PRTG: variants seen among roughly 807,000 people sequenced by gnomAD.
PRTG encodes the protein immunoglobulin superfamily, DCC subclass, member 5.
PRTG carries 67 observed loss-of-function variants against 122.5 expected under a neutral mutation model. The observed-to-expected ratio is 0.55, with a 90% CI of 0.45 to 0.67. The LOEUF is 0.67. Among genes scored for constraint, PRTG ranks in the 30% least tolerant of loss-of-function variants. The pLI is 0.00. For missense variants in PRTG, 1,435 were observed against 1,415.4 expected, an observed-to-expected ratio of 1.01 and a Z score of -0.22; for synonymous variants, 554 against 501.1, an observed-to-expected ratio of 1.11 and a Z score of -1.41.
At chr15:55,721,633 G>A (rs181930058) in intron 2 of PRTG, among the ~76,000 whole-genome samples, 1 of 152,104 alleles carries the variant, frequency 6.6e-6, no homozygotes, top group Non-Finnish European at 1.5e-5. Flanking sequence ...ATCTCTCCCT[G>A]TATTACTCCT....
chr15:55,637,237 G>A lies in PRTG; in HGVS notation c.2556C>T (p.Arg852=), dbSNP rs1441105944. The stretch of plus-strand genomic sequence containing the variant: ...TCCTAGATGCATATAAGATAGTATA[G>A]CGGGTCACAACTGTTTCTGGGCCAT... ...PPDGPETVVT[R]YTILYASRKA... is the part of the protein sequence containing the mutation. The change falls in exon 15 of 20, where the codon CGC becomes CGT. Residue 852 remains arginine, a synonymous_variant. Coordinates refer to ENST00000389286, the MANE Select transcript of PRTG (RefSeq NM_173814.6). The A allele has an allele frequency of 1.2e-6, 2 of 1,613,900 alleles. No homozygotes were observed. Among genetic ancestry groups the A allele is most frequent in the African/African-American group, 2.7e-5 (2 of 75,002 alleles).
Position 55,740,425 on chromosome 15 carries a change from T to C in PRTG, c.354A>G (p.Lys118=). ...EGFYQCLAMN[K]YGAILSQKAH... ...CTTTTTGACTAAGAATGGCTCCATA[T>C]TTGTTCATTGCCAAGCACTGATAAA... The change falls in exon 2 of 20, where the codon AAA becomes AAG. Residue 118 remains lysine, a synonymous_variant. Coordinates refer to ENST00000389286, the MANE Select transcript of PRTG (RefSeq NM_173814.6). 1 of 1,613,644 alleles carries C rather than the reference T, an allele frequency of 6.2e-7. No individual in the cohort carries two copies. The highest frequency in any genetic ancestry group is 8.5e-7 in the Non-Finnish European group (1 of 1,179,796).
intron 15 of PRTG, among the ~76,000 whole-genome samples, chr15:55,636,065 G>A (rs2059256169): frequency 6.6e-6 from 1 of 151,600 alleles, no homozygotes; most frequent in African/African-American, 2.4e-5. Flanking sequence ...GCGTGGTGGT[G>A]TGCATGCCTG....
Position 55,629,375 on chromosome 15 carries a change from A to ATGTGTGTGTGTG in PRTG, c.2624-383_2624-372dup, listed in dbSNP as rs59080250. Among the ~76,000 whole-genome samples, 70 of 47,926 alleles carry ATGTGTGTGTGTG rather than the reference A, an allele frequency of 1.5e-3. 1 individual carries two copies. The highest frequency in any genetic ancestry group is 5.5e-3 in the Admixed American group (25 of 4,580). 31.4% of individuals were successfully genotyped at this position (47,926 alleles called of 152,430 possible). ...TTTGGCTTTGTATATATATATATAT[A>ATGTGTGTGTGTG]TGTGTGTGTGTGTGTGTGTGTGTGT... is the stretch of plus-strand genomic sequence containing the variant. On this transcript the variant is annotated intron_variant, in intron 15 of 19. Coordinates refer to ENST00000389286, the MANE Select transcript of PRTG (RefSeq NM_173814.6).
At chr15:55,712,229 G>A (rs1359035695) in intron 2 of PRTG, among the ~76,000 whole-genome samples, 1 of 152,126 alleles carries the variant, frequency 6.6e-6, no homozygotes, top group East Asian at 1.9e-4. Flanking sequence ...AACTCTAGAG[G>A]GTTAATGAAT....
intron 2 of PRTG, among the ~76,000 whole-genome samples, chr15:55,699,827 C>G (rs964942524): frequency 1.3e-5 from 2 of 152,088 alleles, no homozygotes; most frequent in African/African-American, 4.8e-5. Context: ...TAAGTATTCA[C>G]CAGATATAAA....
chr15:55,736,911 G>C (rs1469542184), intron 2 of PRTG, among the ~76,000 whole-genome samples: 2 of 152,054 alleles, frequency 1.3e-5, no homozygotes, highest in Non-Finnish European at 2.9e-5. Context: ...ACACATCACA[G>C]AACACAACCC....
At chr15:55,626,859 G>T in intron 17 of PRTG, 149 bp downstream of exon 17, 1 of 504,656 alleles carries the variant, frequency 2.0e-6, no homozygotes, top group Non-Finnish European at 3.3e-6. Context: ...CATTTCTATA[G>T]CTGTAAGAAC....
intron 18 of PRTG, among the ~76,000 whole-genome samples, chr15:55,624,116 T>C (rs2059181232): frequency 6.6e-6 from 1 of 152,172 alleles, no homozygotes; most frequent in Non-Finnish European, 1.5e-5. Context: ...AATGAGATTA[T>C]ATTATATGCT....
intron 2 of PRTG, among the ~76,000 whole-genome samples, chr15:55,686,134 T>C (rs2059568974): frequency 6.6e-6 from 1 of 152,130 alleles, no homozygotes; most frequent in South Asian, 2.1e-4. Context: ...TCAGGTAAGT[T>C]TGTCTTTTTA....
intron 14 of PRTG, 109 bp from the exon 15 acceptor site, chr15:55,637,449 T>C: frequency 6.0e-6 from 5 of 829,618 alleles, no homozygotes; most frequent in Non-Finnish European, 8.7e-6. Flanking sequence ...GAAACCTCCA[T>C]AAGAAATCAC....
At chr15:55,671,083 G>C (rs1345179963) in intron 11 of PRTG, among the ~76,000 whole-genome samples, 1 of 152,284 alleles carries the variant, frequency 6.6e-6, no homozygotes, top group East Asian at 1.9e-4. Context: ...ATACCATCTG[G>C]AAAACTGCAT....
chr15:55,629,373 A>G (rs62017968), intron 15 of PRTG, among the ~76,000 whole-genome samples: 2,627 of 52,986 alleles, frequency 0.05, 66 homozygotes, highest in African/African-American at 0.13. Flanking sequence ...ATATATATAT[A>G]TATGTGTGTG....
In PRTG at chr15:55,742,948, G is replaced by A. The variant is rs966600419; in HGVS notation, c.-17C>T. 3.3e-6 allele frequency: 5 copies of A among 1,501,826 alleles called. No homozygotes were observed. In the African/African-American group the frequency reaches 5.8e-5, roughly 18 times the overall value. The allele number at this position is 1,501,826 out of a possible 1,614,324, so 93.0% of individuals were successfully genotyped here. A position where few individuals can be genotyped will look rare whatever the true frequency, so the allele number is the denominator to read the frequency against. ...AGGCGCCATTCAGCGTAGCCGCGCG[G>A]GCATGCTCCCCGGCCGCCCAGAGCC... is the stretch of plus-strand genomic sequence containing the variant. On this transcript the variant is annotated 5_prime_UTR_variant, in exon 1 of 20. Coordinates refer to ENST00000389286, the MANE Select transcript of PRTG (RefSeq NM_173814.6).
intron 2 of PRTG, among the ~76,000 whole-genome samples, chr15:55,736,377 CAT>C (rs1258945959): frequency 2.1e-5 from 3 of 139,974 alleles, no homozygotes; most frequent in Admixed American, 7.0e-5. Context: ...ATCACTTCCC[CAT>C]CTTTTTTTTT....
At chr15:55,637,086 T>C in intron 15 of PRTG, 84 bp downstream of exon 15, 1 of 1,167,634 alleles carries the variant, frequency 8.6e-7, no homozygotes, top group Non-Finnish European at 1.1e-6. Context: ...AAATTCAAAA[T>C]AAACTCTAGA....
In PRTG at chr15:55,743,066, G is replaced by A. The variant is rs946763281; in HGVS notation, c.-135C>T. On this transcript the variant is annotated 5_prime_UTR_variant, in exon 1 of 20. Transcript: ENST00000389286. ...CCCGCTCCGGCTCCGGCACCGGCGT[G>A]GCGAGCGTCTCTGCGGCGGCGAGGC... 2 of 1,301,480 alleles carry A rather than the reference G, an allele frequency of 1.5e-6. No homozygotes were observed. The highest frequency in any genetic ancestry group is 3.2e-5 in the East Asian group (1 of 31,070). The allele number at this position is 1,301,480 out of a possible 1,614,324, so 80.6% of individuals were successfully genotyped here.
intron 11 of PRTG, among the ~76,000 whole-genome samples, chr15:55,654,110 T>A (rs564657847): frequency 3.9e-5 from 6 of 152,194 alleles, no homozygotes; most frequent in Non-Finnish European, 8.8e-5. Context: ...TGGTTTTTGA[T>A]CTTCTACGTA....
intron 11 of PRTG, among the ~76,000 whole-genome samples, chr15:55,644,465 C>A (rs1416439185): frequency 2.0e-5 from 3 of 152,134 alleles, no homozygotes; most frequent in African/African-American, 7.2e-5. Context: ...TTCAAGTTTT[C>A]CCTTCTTCCT....
Sources: gnomAD v4.1 joint callset for allele counts (sites outside exome capture counted in the v4.1 genomes callset) on GRCh38, gnomAD v4.1.1 for gene constraint, MANE v1.5 for transcripts, NCBI Gene and HGNC (gene_info 2026-07-23, HGNC 2026-07-21) for gene names.